Variants in ANO3 observed in about 807,000 individuals in gnomAD.
The protein encoded by ANO3 is anoctamin-3.
ANO3 carries 99 observed loss-of-function variants against 144.8 expected under a neutral mutation model. The ratio of observed to expected loss-of-function variants is 0.68; its 90% CI spans 0.58 to 0.81. The LOEUF is 0.81. Ranked by LOEUF, ANO3 falls within the 30% of genes least tolerant of loss-of-function variation. The pLI, the probability that ANO3 is intolerant of heterozygous loss-of-function variation, is 0.00. For missense variants in ANO3, 905 were observed against 1,202.2 expected (o/e 0.75, Z 3.66); for synonymous variants, 414 against 392.6 (o/e 1.05, Z -0.64).
intron 1 of ANO3, among the ~76,000 whole-genome samples, chr11:26,293,046 C>A (rs1366906375): frequency 3.3e-5 from 5 of 152,188 alleles, no homozygotes; most frequent in Non-Finnish European, 5.9e-5. Context: ...CGGCCATCTT[C>A]ACCCACCCCA....
chr11:26,454,518 C>G (rs1162694232), intron 3 of ANO3, among the ~76,000 whole-genome samples: 1 of 152,120 alleles, frequency 6.6e-6, no homozygotes, highest in African/African-American at 2.4e-5. Context: ...TCTCCCAAGA[C>G]TAAACAAGGA....
intron 1 of ANO3, among the ~76,000 whole-genome samples, chr11:26,332,671 A>G (rs1051103386): frequency 6.6e-6 from 1 of 152,072 alleles, no homozygotes; most frequent in Non-Finnish European, 1.5e-5. Context: ...GTTCAACAAT[A>G]TCTGCCGTCT....
At chr11:26,492,065 A>G (rs1333500427) in intron 4 of ANO3, among the ~76,000 whole-genome samples, 3 of 152,202 alleles carry the variant, frequency 2.0e-5, no homozygotes, top group Non-Finnish European at 4.4e-5. Flanking sequence ...TCTCACTCCA[A>G]TGTGGATAAG....
chr11:26,659,973 T>C (rs759233050), intron 26 of ANO3, among the ~76,000 whole-genome samples: 1 of 152,182 alleles, frequency 6.6e-6, no homozygotes, highest in Non-Finnish European at 1.5e-5. Flanking sequence ...TTTCATAATA[T>C]GTAAAGATTT....
At chr11:26,385,815 TCACACACATACA>T (rs1312354470) in intron 1 of ANO3, among the ~76,000 whole-genome samples, 10 of 130,218 alleles carry the variant, frequency 7.7e-5, no homozygotes, top group South Asian at 4.8e-4. Context: ...TGTCCAAGTT[TCACACACATACA>T]CACACACACA....
intron 1 of ANO3, among the ~76,000 whole-genome samples, chr11:26,233,131 G>A (rs189696270): frequency 0.058 from 8,738 of 151,634 alleles, 309 homozygotes; most frequent in Middle Eastern, 0.079. Context: ...GCAGGAGAAT[G>A]GCGTGAACCC....
chr11:26,346,858 T>TAG (rs1442627263), intron 1 of ANO3, among the ~76,000 whole-genome samples: 2 of 152,316 alleles, frequency 1.3e-5, no homozygotes, highest in East Asian at 3.9e-4. Flanking sequence ...GTCATCATTT[T>TAG]AGACACCGGC....
intron 3 of ANO3, among the ~76,000 whole-genome samples, chr11:26,454,180 A>G (rs546140902): frequency 3.3e-5 from 5 of 152,288 alleles, no homozygotes; most frequent in Middle Eastern, 3.4e-3. Flanking sequence ...GAAAAGCAAG[A>G]GCAAACACAT....
chr11:26,441,263 G>T (rs1246840817), intron 1 of ANO3, among the ~76,000 whole-genome samples: 1 of 149,912 alleles, frequency 6.7e-6, no homozygotes, highest in Admixed American at 6.6e-5. Flanking sequence ...GACTACAGGC[G>T]CCCGCCACTA....
At chr11:26,635,485 T>C (rs1175564916) in intron 20 of ANO3, among the ~76,000 whole-genome samples, 2 of 152,184 alleles carry the variant, frequency 1.3e-5, no homozygotes, top group Non-Finnish European at 2.9e-5. Flanking sequence ...ATTTCTTTAT[T>C]GATTTACAAT....
chr11:26,565,205 A>G (rs552934625), intron 14 of ANO3: 8 of 1,508,924 alleles, frequency 5.3e-6, no homozygotes, highest in Non-Finnish European at 7.1e-6. Flanking sequence ...GTTTTGAATT[A>G]TTGGTGAATT....
chr11:26,420,040 T>C (rs1857706210), intron 1 of ANO3, among the ~76,000 whole-genome samples: 1 of 152,090 alleles, frequency 6.6e-6, no homozygotes, highest in Non-Finnish European at 1.5e-5. Context: ...TTTTGGTATT[T>C]TGTCTTGTAT....
At chr11:26,403,574 G>A (rs759198483) in intron 1 of ANO3, among the ~76,000 whole-genome samples, 5 of 151,698 alleles carry the variant, frequency 3.3e-5, no homozygotes, top group Non-Finnish European at 7.4e-5. Flanking sequence ...AGTTATCCCC[G>A]CTTTACTTCC....
At chr11:26,563,260 TATTTTCTACAGGACAAAAAAA>T in intron 14 of ANO3, 1 of 1,595,792 alleles carries the variant, frequency 6.3e-7, no homozygotes, top group South Asian at 1.2e-5. Flanking sequence ...CCTGTATTTC[TATTTTCTACAGGACAAAAAAA>T]ATTTAAAGAA....
intron 7 of ANO3, among the ~76,000 whole-genome samples, chr11:26,528,613 T>C (rs1043921380): frequency 1.3e-5 from 2 of 152,106 alleles, no homozygotes; most frequent in African/African-American, 4.8e-5. Context: ...CCTGCTAGCC[T>C]CCTAATGAAG....
chr11:26,321,005 CAT>C (rs975681132), intron 1 of ANO3, among the ~76,000 whole-genome samples: 1 of 152,088 alleles, frequency 6.6e-6, no homozygotes, highest in Non-Finnish European at 1.5e-5. Context: ...TTGATGACCA[CAT>C]GTTTTCCTTT....
intron 3 of ANO3, among the ~76,000 whole-genome samples, chr11:26,453,033 A>G (rs921778472): frequency 1.1e-4 from 16 of 152,008 alleles, no homozygotes; most frequent in Non-Finnish European, 2.4e-4. Context: ...AAATGCTGAG[A>G]GATTTTGTCA....
chr11:26,382,703 A>ACT (rs1470012859), intron 1 of ANO3, among the ~76,000 whole-genome samples: 3 of 151,986 alleles, frequency 2.0e-5, no homozygotes, highest in African/African-American at 7.3e-5. Context: ...AGCCTTGTAA[A>ACT]CTCTAGTTTC....
At chr11:26,340,103 T>TA (rs764444985) in intron 1 of ANO3, among the ~76,000 whole-genome samples, 1 of 152,228 alleles carries the variant, frequency 6.6e-6, no homozygotes, top group Non-Finnish European at 1.5e-5. Context: ...TTGGTTGTGG[T>TA]ACATTTCTTA....
Sources: allele counts gnomAD v4.1 joint callset (sites outside exome capture counted in the v4.1 genomes callset), GRCh38; gene constraint gnomAD v4.1.1; transcripts MANE v1.5; gene names NCBI Gene and HGNC (gene_info 2026-07-23, HGNC 2026-07-21).